The following HTR4 variants were observed in gnomAD, a reference collection of about 807,000 sequenced individuals.
HTR4 encodes 5-hydroxytryptamine receptor 4, also known as 5-hydroxytryptamine (serotonin) receptor 4, G protein-coupled.
HTR4 carries 16 observed loss-of-function variants against 36.8 expected under a neutral mutation model. That is an observed-to-expected ratio of 0.43 (90% confidence interval 0.29 to 0.66). The LOEUF (loss-of-function observed/expected upper bound fraction) is 0.66. Ranked by LOEUF, HTR4 falls within the 30% of genes least tolerant of loss-of-function variation. The pLI is 0.13. For missense variants in HTR4, 438 were observed against 490.9 expected (o/e 0.89, Z 1.02); for synonymous variants, 189 against 185.1 (o/e 1.02, Z -0.17).
chr5:148,590,311 T>G (rs1225478371), intron 2 of HTR4, among the ~76,000 whole-genome samples: 2 of 136,700 alleles, frequency 1.5e-5, no homozygotes, highest in African/African-American at 5.6e-5. Context: ...TTTTTTTTTT[T>G]TTTTGAGACA....
intron 2 of HTR4, among the ~76,000 whole-genome samples, chr5:148,600,344 TA>T (rs1478539040): frequency 3.8e-5 from 5 of 130,246 alleles, no homozygotes; most frequent in African/African-American, 1.1e-4. Context: ...TATTTATATA[TA>T]TATATTTTTT....
chr5:148,572,054 T>C (rs1248459746), intron 2 of HTR4, among the ~76,000 whole-genome samples: 2 of 152,230 alleles, frequency 1.3e-5, no homozygotes, highest in Middle Eastern at 6.8e-3. Flanking sequence ...ATAAAAAAAT[T>C]AATTTTGTGG....
chr5:148,623,906 T>C (rs1334049767), intron 2 of HTR4, among the ~76,000 whole-genome samples: 2 of 152,096 alleles, frequency 1.3e-5, no homozygotes, highest in East Asian at 3.9e-4. Context: ...AACAGAAAGG[T>C]TATTAAAAGG....
rs1410158352 is a variant in HTR4 at position 148,482,093 on chromosome 5, T to G, written c.*1110A>C. ...ACACTATTCAAGATCTCACAGCTTG[T>G]TTGCAGCACAGCCAGGGCGGCAATT... On this transcript the variant is annotated 3_prime_UTR_variant, in exon 7 of 7. Coordinates refer to ENST00000377888, the MANE Select transcript of HTR4 (RefSeq NM_000870.7). 1 of 982,938 alleles carries G rather than the reference T, an allele frequency of 1.0e-6. No homozygotes were observed. Among genetic ancestry groups the G allele is most frequent in the Non-Finnish European group, 1.2e-6 (1 of 827,670 alleles). The allele number at this position is 982,938 out of a possible 1,614,324, so 60.9% of individuals were successfully genotyped here. A position where few individuals can be genotyped will look rare whatever the true frequency, so the allele number is the denominator to read the frequency against.
intron 2 of HTR4, among the ~76,000 whole-genome samples, chr5:148,617,396 T>C (rs1408636010): frequency 6.6e-6 from 1 of 152,184 alleles, no homozygotes; most frequent in African/African-American, 2.4e-5. Context: ...CAATCTCAGG[T>C]ATTTACAGCA....
chr5:148,502,360 C>A (rs999530649), intron 6 of HTR4, among the ~76,000 whole-genome samples: 24 of 152,216 alleles, frequency 1.6e-4, no homozygotes, highest in Non-Finnish European at 2.8e-4. Context: ...ATTCTGCAGC[C>A]TCTGCTGCTG....
chr5:148,531,582 C>G (rs1166479911), intron 4 of HTR4, among the ~76,000 whole-genome samples: 2 of 151,994 alleles, frequency 1.3e-5, no homozygotes, highest in Non-Finnish European at 2.9e-5. Flanking sequence ...TAATACATCC[C>G]CTCTAAAATG....
At chr5:148,458,733 C>T (rs1012303401) in intron 5 of HTR4, among the ~76,000 whole-genome samples, 3 of 152,170 alleles carry the variant, frequency 2.0e-5, no homozygotes, top group African/African-American at 7.2e-5. Flanking sequence ...AAGTAGGCAT[C>T]AGCCTAAGAT....
intron 5 of HTR4, chr5:148,451,340 A>C: frequency 1.2e-6 from 2 of 1,606,760 alleles, no homozygotes; most frequent in South Asian, 2.2e-5. Flanking sequence ...AGTCAAGAGC[A>C]CTCCTTCTAC....
intron 2 of HTR4, among the ~76,000 whole-genome samples, chr5:148,598,896 G>A (rs1377973694): frequency 3.3e-5 from 5 of 151,956 alleles, no homozygotes; most frequent in South Asian, 2.1e-4. Flanking sequence ...GAAAATAGAC[G>A]ATAAGATGGA....
downstream of HTR4, chr5:148,481,405 C>T (rs1245859982): frequency 7.3e-6 from 5 of 685,156 alleles, no homozygotes; most frequent in South Asian, 3.7e-5. Flanking sequence ...CCAGTCTACA[C>T]AAAGAGCATT....
intron 2 of HTR4, among the ~76,000 whole-genome samples, chr5:148,580,955 T>C (rs572069246): frequency 1.9e-4 from 29 of 152,118 alleles, no homozygotes; most frequent in African/African-American, 6.7e-4. Context: ...CTGTTTTCCA[T>C]GGCAGCAGTA....
intron 2 of HTR4, among the ~76,000 whole-genome samples, chr5:148,626,652 C>G (rs890972603): frequency 6.6e-6 from 1 of 152,132 alleles, no homozygotes; most frequent in Admixed American, 6.5e-5. Flanking sequence ...ATGCAAAATG[C>G]TTGTAGTCCT....
intron 5 of HTR4, among the ~76,000 whole-genome samples, chr5:148,467,176 C>T (rs533691017): frequency 6.6e-6 from 1 of 152,308 alleles, no homozygotes; most frequent in African/African-American, 2.4e-5. Context: ...CACTCTTGAT[C>T]TCCCACAATT....
intron 5 of HTR4, chr5:148,461,906 T>C (rs1018027981): frequency 6.6e-6 from 1 of 152,026 alleles, no homozygotes; most frequent in East Asian, 1.9e-4. Flanking sequence ...AATTACACAA[T>C]GTCTGCTCTC....
At chr5:148,479,893 A>G (rs932839463), downstream of HTR4, among the ~76,000 whole-genome samples, 2 of 152,234 alleles carry the variant, frequency 1.3e-5, no homozygotes, top group African/African-American at 4.8e-5. Flanking sequence ...AAATGTAAAT[A>G]AAATTAAGTT....
At chr5:148,454,679 A>G (rs1018078058) in intron 5 of HTR4, among the ~76,000 whole-genome samples, 7 of 152,174 alleles carry the variant, frequency 4.6e-5, no homozygotes, top group African/African-American at 1.4e-4. Flanking sequence ...ACACCAATTG[A>G]TTTCCCTATC....
intron 6 of HTR4, among the ~76,000 whole-genome samples, chr5:148,504,327 G>A (rs1581392570): frequency 6.6e-6 from 1 of 152,146 alleles, no homozygotes; most frequent in African/African-American, 2.4e-5. Flanking sequence ...CTAGAACTCA[G>A]GATTAAGAAA....
At position 148,494,989 on chromosome 5, in the gene HTR4, G is replaced by C. The variant is rs576206966; in HGVS notation, c.1077-11696C>G. ...ATGGAGGATGATAGCCAAGAACCAA[G>C]TTAGATAGGCAATAAGTTCTTTGGA... is the stretch of plus-strand genomic sequence containing the variant. On this transcript the variant is annotated intron_variant, in intron 6 of 6. Coordinates refer to ENST00000377888, the MANE Select transcript of HTR4 (RefSeq NM_000870.7). Among the ~76,000 whole-genome samples the C allele has an allele frequency of 9.8e-4, 150 of 152,286 alleles. 1 individual carries two copies. The highest frequency in any genetic ancestry group is 3.5e-3 in the African/African-American group (146 of 41,560).
Sources: gnomAD v4.1 joint callset for allele counts (sites outside exome capture counted in the v4.1 genomes callset) on GRCh38, gnomAD v4.1.1 for gene constraint, MANE v1.5 for transcripts, NCBI Gene and HGNC (gene_info 2026-07-23, HGNC 2026-07-21) for gene names.